The following USP47 variants were observed in gnomAD, a reference collection of about 807,000 sequenced individuals.
The protein encoded by USP47 is ubiquitin specific peptidase 47.
USP47 carries 35 observed loss-of-function variants against 165.1 expected under a neutral mutation model. That is an observed-to-expected ratio of 0.21 (90% CI 0.16 to 0.28). The LOEUF (loss-of-function observed/expected upper bound fraction) is 0.28. Among genes scored for constraint, USP47 ranks in the 10% least tolerant of loss-of-function variants. The pLI, the probability that USP47 is intolerant of heterozygous loss-of-function variation, is 1.00. For missense variants in USP47, 1,277 were observed against 1,607.4 expected, an observed-to-expected ratio of 0.79 and a Z score of 3.52; for synonymous variants, 531 against 544.5, an observed-to-expected ratio of 0.98 and a Z score of 0.35.
chr11:11,903,166 T>C lies in USP47; in HGVS notation c.740-97T>C, dbSNP rs572753134. The stretch of plus-strand genomic sequence containing the variant: ...TTTTTAAATTTGGCATTATTTAAGG[T>C]AGACTTCAATATTTCTGTCTATTTG... On this transcript the variant is annotated intron_variant, in intron 6 of 27. Transcript: ENST00000527733. 10 of 1,208,620 alleles carry C rather than the reference T, an allele frequency of 8.3e-6. No individual in the cohort carries two copies. In the East Asian group the frequency reaches 2.5e-4, roughly 30 times the overall value. The allele number at this position is 1,208,620 out of a possible 1,614,324, so 74.9% of individuals were successfully genotyped here. A position where few individuals can be genotyped will look rare whatever the true frequency, so the allele number is the denominator to read the frequency against.
chr11:11,897,746 C>A, intron 5 of USP47, 53 bp downstream of exon 5: 3 of 1,259,102 alleles, frequency 2.4e-6, no homozygotes, highest in Non-Finnish European at 3.4e-6. Flanking sequence ...ATGAAAATAT[C>A]ACTTTTAACA....
chr11:11,945,961 G>GAAAAT (rs1855807077), intron 20 of USP47, among the ~76,000 whole-genome samples: 1 of 147,256 alleles, frequency 6.8e-6, no homozygotes, highest in Non-Finnish European at 1.5e-5. Flanking sequence ...GAAAAGAAAA[G>GAAAAT]AAAAGGAAAA....
At chr11:11,951,849 C>T (rs1461361715) in intron 24 of USP47, 2 of 151,956 alleles carry the variant, frequency 1.3e-5, no homozygotes, top group Admixed American at 6.6e-5. Context: ...TATCTGGGGT[C>T]GTAGGGAATA....
intron 25 of USP47, among the ~76,000 whole-genome samples, chr11:11,953,947 C>T (rs1265729100): frequency 4.6e-5 from 7 of 151,908 alleles, no homozygotes; most frequent in Non-Finnish European, 1.0e-4. Context: ...TCTGGGAATT[C>T]GATCTGTAGA....
intron 18 of USP47, among the ~76,000 whole-genome samples, chr11:11,939,468 TA>T (rs937505279): frequency 9.9e-5 from 15 of 151,872 alleles, no homozygotes; most frequent in African/African-American, 2.9e-4. Context: ...TATTATGTTC[TA>T]AAAAAAAGTC....
At position 11,956,193 on chromosome 11, in the gene USP47, T is replaced by A; in HGVS notation, c.*18T>A. ...AAGACTGACTCTGATAGTGTAGCAT[T>A]TTCCCTGGGGGAGTTTTGGTTTTAA... On this transcript the variant is annotated 3_prime_UTR_variant, in exon 28 of 28. Coordinates refer to ENST00000527733, the MANE Select transcript of USP47 (RefSeq NM_001282659.2). 6.2e-7 allele frequency: 1 copy of A among 1,612,198 alleles called. No individual in the cohort carries two copies. The highest frequency in any genetic ancestry group is 8.5e-7 in the Non-Finnish European group (1 of 1,179,470).
At chr11:11,951,849 C>A (rs1461361715) in intron 24 of USP47, 1 of 151,956 alleles carries the variant, frequency 6.6e-6, no homozygotes, top group African/African-American at 2.4e-5. Flanking sequence ...TATCTGGGGT[C>A]GTAGGGAATA....
intron 14 of USP47, 61 bp downstream of exon 14, chr11:11,930,812 T>C: frequency 7.2e-7 from 1 of 1,397,168 alleles, no homozygotes; most frequent in Non-Finnish European, 9.9e-7. Context: ...CTTTTGTAAG[T>C]TTGCAAACCC....
chr11:11,892,367 TC>T (rs1329648859), intron 4 of USP47, among the ~76,000 whole-genome samples: 3 of 143,240 alleles, frequency 2.1e-5, no homozygotes, highest in African/African-American at 5.4e-5. Context: ...ACTTTTCTTT[TC>T]TTTTTAATTT....
intron 11 of USP47, among the ~76,000 whole-genome samples, chr11:11,929,023 C>G (rs919057051): frequency 6.6e-6 from 1 of 151,938 alleles, no homozygotes; most frequent in Non-Finnish European, 1.5e-5. Flanking sequence ...TTATATTCCT[C>G]AGCTCTTTTG....
intron 1 of USP47, among the ~76,000 whole-genome samples, chr11:11,868,513 G>A (rs1849828456): frequency 6.6e-6 from 1 of 152,140 alleles, no homozygotes; most frequent in Non-Finnish European, 1.5e-5. Flanking sequence ...TGATATGGAT[G>A]TACTATAATT....
At chr11:11,897,794 A>T (rs1851937924) in intron 5 of USP47, 101 bp downstream of exon 5, 1 of 766,528 alleles carries the variant, frequency 1.3e-6, no homozygotes, top group Admixed American at 2.4e-5. Context: ...AGTTTGGGGC[A>T]TTTCTCACAC....
intron 1 of USP47, among the ~76,000 whole-genome samples, chr11:11,855,336 T>G (rs145310712): frequency 6.6e-6 from 1 of 152,360 alleles, no homozygotes; most frequent in East Asian, 1.9e-4. Flanking sequence ...TTGATAATTT[T>G]GATTTTCTGT....
At chr11:11,929,945 G>T in intron 12 of USP47, 99 bp from the exon 13 acceptor site, 1 of 972,398 alleles carries the variant, frequency 1.0e-6, no homozygotes. Context: ...GAAGGTCTTT[G>T]ATAGCATTTA....
chr11:11,942,689 T>A lies in USP47; in HGVS notation c.2668T>A (p.Ser890Thr), dbSNP rs777213668. The A allele has an allele frequency of 1.2e-6, 2 of 1,613,520 alleles. No homozygotes were observed. The highest frequency in any genetic ancestry group is 2.2e-5 in the East Asian group (1 of 44,856). ...TETSDFENIE[S>T]PLNERDSSAS... is the part of the protein sequence containing the mutation. ...GACAAGTGACTTTGAAAACATCGAA[T>A]CACCTCTCAATGAGAGGGACTCTTC... The change falls in exon 20 of 28, where the codon TCA becomes ACA. Residue 890 changes from serine to threonine, a missense_variant. Coordinates refer to ENST00000527733, the MANE Select transcript of USP47 (RefSeq NM_001282659.2).
chr11:11,902,921 ATAT>A, intron 6 of USP47, 61 bp downstream of exon 6: 1 of 1,450,722 alleles, frequency 6.9e-7, no homozygotes, highest in Non-Finnish European at 9.1e-7. Flanking sequence ...GAAGACAATA[ATAT>A]TACAAACACA....
chr11:11,900,370 C>T (rs927050651), intron 5 of USP47, among the ~76,000 whole-genome samples: 1 of 151,910 alleles, frequency 6.6e-6, no homozygotes, highest in African/African-American at 2.4e-5. Context: ...CCGTGTTAGC[C>T]AGGATGGTCT....
chr11:11,943,058 T>C lies in USP47; in HGVS notation c.3037T>C (p.Tyr1013His), dbSNP rs201938913. Residue 1013 changes from tyrosine (Y) to histidine (H), a missense_variant, in exon 20 of 28, where the codon TAT becomes CAT. By Grantham distance (83) the Tyr-to-His change is moderately conservative. Around this residue, in one of 4 missense-constraint regions of USP47, gnomAD observed 909 missense variants for 1,068.1 expected, o/e 0.85. Transcript: ENST00000527733. ...GAGTAGGGGAGAAATGCAGTACATG[T>C]ATTTCAAAGCTGAACCTTATGCTGC... ...GKSRGEMQYM[Y>H]FKAEPYAADE... The C allele has an allele frequency of 1.9e-6, 3 of 1,613,376 alleles. No individual in the cohort carries two copies. The highest frequency in any genetic ancestry group is 2.5e-6 in the Non-Finnish European group (3 of 1,179,562).
At chr11:11,930,838 A>G in intron 14 of USP47, 87 bp downstream of exon 14, 2 of 1,036,530 alleles carry the variant, frequency 1.9e-6, no homozygotes, top group South Asian at 3.0e-5. Context: ...ACTACTTTTA[A>G]ATGATAGGAT....
Sources: gnomAD v4.1 joint callset for allele counts (sites outside exome capture counted in the v4.1 genomes callset) on GRCh38, gnomAD v4.1.1 for gene constraint, gnomAD v4.1.1 regional missense constraint, MANE v1.5 for transcripts, NCBI Gene and HGNC (gene_info 2026-07-23, HGNC 2026-07-21) for gene names.